DYM: variants seen among roughly 807,000 people sequenced by gnomAD.
DYM encodes dyggve-Melchior-Clausen syndrome protein.
In DYM, 78 loss-of-function variants were observed where a neutral mutation model predicts 93.1. The observed-to-expected ratio is 0.84, with a 90% CI of 0.70 to 1.01. The LOEUF is 1.01. Ranked by LOEUF, DYM falls within the 50% of genes least tolerant of loss-of-function variation. DYM has a pLI of 0.00. For missense variants in DYM, 789 were observed against 845.0 expected, an observed-to-expected ratio of 0.93 and a Z score of 0.82; for synonymous variants, 321 against 319.7, an observed-to-expected ratio of 1.00 and a Z score of -0.04.
chr18:49,209,809 A>G (rs1298717165), intron 13 of DYM, 94 bp from the exon 14 acceptor site: 3 of 800,590 alleles, frequency 3.7e-6, no homozygotes, highest in East Asian at 8.0e-5. Context: ...CTTTCTGTGT[A>G]TCTTCACTAG....
intron 17 of DYM, among the ~76,000 whole-genome samples, chr18:49,062,745 T>C (rs1289105543): frequency 6.6e-6 from 1 of 152,246 alleles, no homozygotes; most frequent in African/African-American, 2.4e-5. Context: ...TTAGAAAAAC[T>C]GACTTCAGTG....
At chr18:49,308,921 T>C (rs774503595) in intron 8 of DYM, among the ~76,000 whole-genome samples, 3 of 152,102 alleles carry the variant, frequency 2.0e-5, no homozygotes, top group Non-Finnish European at 4.4e-5. Context: ...TGACCAACCA[T>C]AGGCTGAAGG....
chr18:49,092,548 C>G (rs2079141115), intron 17 of DYM, among the ~76,000 whole-genome samples: 1 of 152,152 alleles, frequency 6.6e-6, no homozygotes, highest in Non-Finnish European at 1.5e-5. Flanking sequence ...TTTCTGAGGG[C>G]AGAGGTGGTG....
intron 17 of DYM, among the ~76,000 whole-genome samples, chr18:49,053,641 T>G (rs1360020305): frequency 6.6e-6 from 1 of 152,194 alleles, no homozygotes; most frequent in East Asian, 1.9e-4. Context: ...AGATGAAAAC[T>G]ACACAGGTTT....
intron 13 of DYM, among the ~76,000 whole-genome samples, chr18:49,244,919 A>G (rs1039191230): frequency 9.2e-5 from 14 of 152,206 alleles, no homozygotes; most frequent in African/African-American, 2.4e-4. Context: ...ATTACTGGGT[A>G]ACTGTTGCGG....
At chr18:49,309,635 T>TA (rs990509674) in intron 8 of DYM, among the ~76,000 whole-genome samples, 7 of 151,852 alleles carry the variant, frequency 4.6e-5, no homozygotes, top group Admixed American at 6.6e-5. Flanking sequence ...ATCCTGTCTC[T>TA]AAAAAAAACA....
intron 13 of DYM, among the ~76,000 whole-genome samples, chr18:49,255,239 G>A (rs2094366805): frequency 6.6e-6 from 1 of 152,200 alleles, no homozygotes; most frequent in African/African-American, 2.4e-5. Flanking sequence ...ACCAATGACT[G>A]CTAAACAAAA....
intron 6 of DYM, among the ~76,000 whole-genome samples, chr18:49,354,482 T>C (rs752135133): frequency 1.3e-5 from 2 of 152,022 alleles, no homozygotes; most frequent in Non-Finnish European, 2.9e-5. Flanking sequence ...TGAAAGACAC[T>C]GTGAAGAGAA....
At chr18:49,340,975 T>C (rs2064072680) in intron 6 of DYM, among the ~76,000 whole-genome samples, 2 of 152,200 alleles carry the variant, frequency 1.3e-5, no homozygotes, top group African/African-American at 4.8e-5. Context: ...AATTGCCATA[T>C]ATACAGTCAA....
intron 17 of DYM, among the ~76,000 whole-genome samples, chr18:49,079,744 C>T (rs1186019251): frequency 6.6e-6 from 1 of 151,778 alleles, no homozygotes; most frequent in Non-Finnish European, 1.5e-5. Context: ...TCAACAGGAT[C>T]CCAAGGCAGA....
intron 17 of DYM, among the ~76,000 whole-genome samples, chr18:49,065,437 A>G (rs1245050746): frequency 6.6e-6 from 1 of 152,164 alleles, no homozygotes; most frequent in Non-Finnish European, 1.5e-5. Flanking sequence ...ATCTTGGCTC[A>G]CCGCAACCTC....
At chr18:49,126,735 T>C (rs1568461943) in intron 15 of DYM, among the ~76,000 whole-genome samples, 1 of 152,200 alleles carries the variant, frequency 6.6e-6, no homozygotes, top group Non-Finnish European at 1.5e-5. Context: ...GTAAGCACTA[T>C]GTGAGTGTTA....
chr18:49,207,830 C>T (rs950166374), intron 14 of DYM, among the ~76,000 whole-genome samples: 2 of 152,076 alleles, frequency 1.3e-5, no homozygotes, highest in African/African-American at 4.8e-5. Context: ...TCTCTCTCTC[C>T]ACTTACATAT....
At chr18:49,215,306 T>C (rs1189365006) in intron 13 of DYM, among the ~76,000 whole-genome samples, 2 of 152,218 alleles carry the variant, frequency 1.3e-5, no homozygotes, top group African/African-American at 2.4e-5. Flanking sequence ...GTCTTATTAC[T>C]CTCCTTTGGA....
At chr18:49,284,345 T>C (rs1416334509) in intron 9 of DYM, among the ~76,000 whole-genome samples, 1 of 152,200 alleles carries the variant, frequency 6.6e-6, no homozygotes, top group Non-Finnish European at 1.5e-5. Context: ...ATTAAGTAAC[T>C]TTGCCAAGAT....
chr18:49,177,926 A>G (rs1008571918), intron 14 of DYM, among the ~76,000 whole-genome samples: 7 of 152,030 alleles, frequency 4.6e-5, no homozygotes, highest in African/African-American at 1.7e-4. Flanking sequence ...TTAAAGTTCT[A>G]AAACTACTTT....
intron 15 of DYM, among the ~76,000 whole-genome samples, chr18:49,137,097 T>G (rs998856473): frequency 1.3e-5 from 2 of 152,198 alleles, no homozygotes; most frequent in Admixed American, 1.3e-4. Context: ...CTTGTAACAT[T>G]TGCATAGGAC....
chr18:49,304,171 G>A (rs918307520), intron 8 of DYM, among the ~76,000 whole-genome samples: 1 of 152,196 alleles, frequency 6.6e-6, no homozygotes, highest in Non-Finnish European at 1.5e-5. Flanking sequence ...ACAATACAGA[G>A]ATGCATGGAC....
chr18:49,177,160 T>C (rs150170879), intron 14 of DYM, among the ~76,000 whole-genome samples: 19 of 152,220 alleles, frequency 1.2e-4, no homozygotes, highest in Admixed American at 2.0e-4. Context: ...GAAAATTCAT[T>C]TGGAAAGTGG....
Sources: gnomAD v4.1 joint callset for allele counts (sites outside exome capture counted in the v4.1 genomes callset) on GRCh38, gnomAD v4.1.1 for gene constraint, MANE v1.5 for transcripts, NCBI Gene and HGNC (gene_info 2026-07-23, HGNC 2026-07-21) for gene names.